NKAIN2: variants seen among roughly 807,000 people sequenced by gnomAD.
NKAIN2 encodes sodium/potassium-transporting ATPase subunit beta-1-interacting protein 2.
Under a neutral mutation model 32.6 loss-of-function variants are expected in NKAIN2, and 14 were observed. The observed-to-expected ratio is 0.43, with a 90% CI of 0.28 to 0.67. NKAIN2 has a LOEUF of 0.67. Ranked by LOEUF, NKAIN2 falls within the 30% of genes least tolerant of loss-of-function variation. The pLI is 0.17. For synonymous variants in NKAIN2, 80 were observed against 87.2 expected (o/e 0.92, Z 0.46); for missense variants, 198 against 258.3 (o/e 0.77, Z 1.60).
At chr6:124,537,044 G>A (rs1779742444) in intron 3 of NKAIN2, among the ~76,000 whole-genome samples, 2 of 152,140 alleles carry the variant, frequency 1.3e-5, no homozygotes, top group South Asian at 4.1e-4. Context: ...CCACGTGGAA[G>A]GGAAGAAGCA....
intron 3 of NKAIN2, among the ~76,000 whole-genome samples, chr6:124,633,602 G>T (rs1038278676): frequency 6.6e-6 from 1 of 152,022 alleles, no homozygotes; most frequent in Non-Finnish European, 1.5e-5. Context: ...CTCTTCCAGA[G>T]AATATAATAA....
chr6:124,029,359 GA>G (rs1478489146), intron 1 of NKAIN2, among the ~76,000 whole-genome samples: 1 of 147,578 alleles, frequency 6.8e-6, no homozygotes, highest in Admixed American at 6.8e-5. Flanking sequence ...GGACTCGTAG[GA>G]AAAAAATAAA....
chr6:124,157,673 A>G (rs566611465), intron 1 of NKAIN2, among the ~76,000 whole-genome samples: 2 of 152,284 alleles, frequency 1.3e-5, no homozygotes, highest in African/African-American at 4.8e-5. Context: ...AAACTTTCCC[A>G]TTAAGTGGCT....
At chr6:124,318,578 G>C (rs1243236867) in intron 2 of NKAIN2, among the ~76,000 whole-genome samples, 3 of 151,728 alleles carry the variant, frequency 2.0e-5, no homozygotes, top group Non-Finnish European at 4.4e-5. Context: ...AATTTTCCCT[G>C]TACTCTTGCC....
At chr6:124,727,981 A>G (rs1193358638) in intron 4 of NKAIN2, among the ~76,000 whole-genome samples, 4 of 151,022 alleles carry the variant, frequency 2.6e-5, no homozygotes, top group Admixed American at 6.6e-5. Context: ...ATAATGGTAA[A>G]GGGATCAATT....
intron 1 of NKAIN2, among the ~76,000 whole-genome samples, chr6:124,025,062 A>G (rs1781043708): frequency 6.6e-6 from 1 of 152,194 alleles, no homozygotes; most frequent in East Asian, 1.9e-4. Flanking sequence ...CATGCATTGT[A>G]TAACTAGTCC....
intron 3 of NKAIN2, among the ~76,000 whole-genome samples, chr6:124,522,229 A>G (rs1446756995): frequency 6.6e-6 from 1 of 152,224 alleles, no homozygotes; most frequent in East Asian, 1.9e-4. Flanking sequence ...TTCTCTGATA[A>G]GAATGATGCT....
At chr6:124,790,341 CT>C (rs1465421296) in intron 4 of NKAIN2, among the ~76,000 whole-genome samples, 2 of 152,000 alleles carry the variant, frequency 1.3e-5, no homozygotes, top group Non-Finnish European at 2.9e-5. Context: ...GTGGCGGTTC[CT>C]TTTTTTCCCG....
At chr6:123,886,846 G>T (rs1463002853) in intron 1 of NKAIN2, among the ~76,000 whole-genome samples, 1 of 151,984 alleles carries the variant, frequency 6.6e-6, no homozygotes, top group South Asian at 2.1e-4. Flanking sequence ...GTTTAGACGC[G>T]TTTTTGGAGA....
At chr6:123,953,251 G>T (rs1777409426) in intron 1 of NKAIN2, among the ~76,000 whole-genome samples, 1 of 152,132 alleles carries the variant, frequency 6.6e-6, no homozygotes, top group Admixed American at 6.5e-5. Flanking sequence ...CTGTCCTTGG[G>T]CTCCAGAAGT....
chr6:124,022,757 A>T (rs1057469437), intron 1 of NKAIN2, among the ~76,000 whole-genome samples: 11 of 152,184 alleles, frequency 7.2e-5, no homozygotes, highest in Non-Finnish European at 1.6e-4. Flanking sequence ...AGCTAAGTTA[A>T]TAAGATCCAA....
At chr6:124,698,514 G>T (rs543340157) in intron 4 of NKAIN2, among the ~76,000 whole-genome samples, 1 of 152,248 alleles carries the variant, frequency 6.6e-6, no homozygotes, top group African/African-American at 2.4e-5. Flanking sequence ...GTATCATTAA[G>T]TAACATAACA....
intron 4 of NKAIN2, among the ~76,000 whole-genome samples, chr6:124,718,152 T>C (rs966652301): frequency 2.0e-5 from 3 of 152,118 alleles, no homozygotes; most frequent in African/African-American, 7.2e-5. Context: ...ATAATCACAA[T>C]TGTGCAACCA....
At chr6:123,833,047 T>C (rs1774451583) in intron 1 of NKAIN2, among the ~76,000 whole-genome samples, 1 of 152,178 alleles carries the variant, frequency 6.6e-6, no homozygotes, top group Non-Finnish European at 1.5e-5. Flanking sequence ...TTATCTAGAT[T>C]TTCTTCTGTG....
At chr6:123,974,275 T>A (rs1778457699) in intron 1 of NKAIN2, among the ~76,000 whole-genome samples, 2 of 151,340 alleles carry the variant, frequency 1.3e-5, no homozygotes. Flanking sequence ...AAGGATATTT[T>A]CCATTAAAGA....
At chr6:124,011,774 A>C (rs1780342445) in intron 1 of NKAIN2, among the ~76,000 whole-genome samples, 3 of 152,172 alleles carry the variant, frequency 2.0e-5, no homozygotes, top group Admixed American at 1.3e-4. Context: ...ATTTTAATTC[A>C]AGAACTGTTG....
chr6:123,985,269 G>A (rs936549272), intron 1 of NKAIN2, among the ~76,000 whole-genome samples: 7 of 152,044 alleles, frequency 4.6e-5, no homozygotes, highest in Non-Finnish European at 1.0e-4. Flanking sequence ...GCGTGGTGGT[G>A]GGTGCCTGTA....
At chr6:124,343,874 G>C (rs566360476) in intron 2 of NKAIN2, among the ~76,000 whole-genome samples, 3 of 135,700 alleles carry the variant, frequency 2.2e-5, no homozygotes, top group African/African-American at 7.5e-5. Context: ...TGTTGCCATT[G>C]CTTTTGGTGT....
At chr6:124,577,347 C>T (rs1281717237) in intron 3 of NKAIN2, among the ~76,000 whole-genome samples, 4 of 152,126 alleles carry the variant, frequency 2.6e-5, no homozygotes, top group African/African-American at 9.7e-5. Flanking sequence ...ACCCCTCCTG[C>T]ACCCCCCAGC....
Sources: allele counts gnomAD v4.1 joint callset (sites outside exome capture counted in the v4.1 genomes callset), GRCh38; gene constraint gnomAD v4.1.1; transcripts MANE v1.5; gene names NCBI Gene and HGNC (gene_info 2026-07-23, HGNC 2026-07-21).